The following COL4A6 variants were observed in gnomAD, a reference collection of about 807,000 sequenced individuals.
The protein encoded by COL4A6 is collagen alpha-6(IV) chain.
In COL4A6, 59 loss-of-function variants were observed where a neutral mutation model predicts 126.7. That is an observed-to-expected ratio of 0.47 (90% CI 0.38 to 0.58). The LOEUF is 0.58. Ranked by LOEUF, COL4A6 falls within the 20% of genes least tolerant of loss-of-function variation. COL4A6 has a pLI of 0.00. For missense variants in COL4A6, 1,285 were observed against 1,337.3 expected (o/e 0.96, Z 0.61); for synonymous variants, 547 against 496.6 (o/e 1.10, Z -1.35).
At chrX:108,378,559 T>G (rs2040492804) in intron 2 of COL4A6, among the ~76,000 whole-genome samples, 1 of 112,579 alleles carries the variant, frequency 8.9e-6, no homozygotes, top group East Asian at 2.8e-4. Context: ...ACATAGATTA[T>G]ATTCGCCAGC....
At chrX:108,238,034 ATATCTATC>A (rs59088315) in intron 3 of COL4A6, among the ~76,000 whole-genome samples, 23,936 of 86,292 alleles carry the variant, frequency 0.28, 2,992 homozygotes, top group East Asian at 0.43. Context: ...TCACCTCTCT[ATATCTATC>A]TATCTATCTA....
chrX:108,301,212 T>C (rs925336102), intron 3 of COL4A6, among the ~76,000 whole-genome samples: 11 of 112,338 alleles, frequency 9.8e-5, no homozygotes, highest in Non-Finnish European at 5.6e-5. Flanking sequence ...TGAACTTTCA[T>C]ACAGTCAGTG....
chrX:108,170,750 G>T, intron 34 of COL4A6, 34 bp from the exon 35 acceptor site: 1 of 1,200,129 alleles, frequency 8.3e-7, no homozygotes, highest in South Asian at 1.8e-5. Context: ...GTTCAGAATG[G>T]GGCATGGCTT....
At chrX:108,172,809 C>A (rs770663634) in intron 31 of COL4A6, among the ~76,000 whole-genome samples, 1 of 112,025 alleles carries the variant, frequency 8.9e-6, no homozygotes, top group Admixed American at 9.4e-5. Flanking sequence ...GCCATTCTAG[C>A]GAGTCTCTCA....
At chrX:108,311,272 C>T (rs1470574159) in intron 2 of COL4A6, among the ~76,000 whole-genome samples, 1 of 111,971 alleles carries the variant, frequency 8.9e-6, no homozygotes, top group Non-Finnish European at 1.9e-5. Flanking sequence ...TTGTACTCTG[C>T]TCTCGGAATT....
chrX:108,381,502 A>G (rs1430147596), intron 2 of COL4A6, among the ~76,000 whole-genome samples: 1 of 112,181 alleles, frequency 8.9e-6, no homozygotes, highest in East Asian at 2.8e-4. Context: ...TAATTATATC[A>G]ATACTTTCAG....
In COL4A6 at chrX:108,219,755, G is replaced by T; in HGVS notation, c.280-13C>A. 5 of 1,194,293 alleles carry T rather than the reference G, an allele frequency of 4.2e-6. No individual in the cohort carries two copies. The highest frequency in any genetic ancestry group is 5.7e-6 in the Non-Finnish European group (5 of 880,053). ...CTCCCATGGGACCCTAAAAAAAGGAGTAGGGAGAGGAATGTAAGACACAAT... is the reference window on the plus strand; with the variant it reads ...CTCCCATGGGACCCTAAAAAAAGGATTAGGGAGAGGAATGTAAGACACAAT... On this transcript the variant is annotated splice_polypyrimidine_tract_variant and intron_variant, in intron 4 of 44. Transcript: ENST00000334504.
In COL4A6 at chrX:108,174,407, C is replaced by T. The variant is rs1287715244; in HGVS notation, c.3138+33G>A. On this transcript the variant is annotated intron_variant, in intron 31 of 44. Coordinates refer to ENST00000334504, the MANE Select transcript of COL4A6 (RefSeq NM_033641.4). The stretch of plus-strand genomic sequence containing the variant: ...ATCCCCGTGAGATGGGGGGCCTTTT[C>T]TGGTATAAAGACAAAGATCTGGTCA... 2.5e-6 allele frequency: 3 copies of T among 1,197,465 alleles called. No homozygotes were observed. In the African/African-American group the frequency reaches 5.3e-5, roughly 21 times the overall value.
intron 2 of COL4A6, among the ~76,000 whole-genome samples, chrX:108,353,064 T>A: frequency 8.9e-6 from 1 of 112,238 alleles, no homozygotes; most frequent in East Asian, 2.8e-4. Context: ...CCAGCGTGGC[T>A]GAGCTATACA....
At position 108,284,896 on chromosome X, in the gene COL4A6, A is replaced by G. The variant is rs184822051; in HGVS notation, c.144+25852T>C. Among the ~76,000 whole-genome samples, 14 of 112,098 alleles carry G rather than the reference A, an allele frequency of 1.2e-4. No individual in the cohort carries two copies. The East Asian group carries it at 3.9e-3, about 31-fold the overall frequency. The stretch of plus-strand genomic sequence containing the variant: ...TACTTCTTACTTTCACCTGGAAAAT[A>G]ACTTAGCCTCTCAGTGTCCATTTCC... On this transcript the variant is annotated intron_variant, in intron 3 of 44. Transcript: ENST00000334504.
chrX:108,196,311 G>C (rs2035212597), intron 14 of COL4A6, among the ~76,000 whole-genome samples, 200 bp downstream of exon 14: 1 of 111,285 alleles, frequency 9.0e-6, no homozygotes, highest in Admixed American at 9.5e-5. Flanking sequence ...AGTAGGGGGT[G>C]CCTCATTCCT....
chrX:108,393,621 G>A (rs975493708), intron 2 of COL4A6, among the ~76,000 whole-genome samples: 4 of 112,402 alleles, frequency 3.6e-5, no homozygotes, highest in South Asian at 7.3e-4. Flanking sequence ...CTTTAAATAA[G>A]TGAATTCAGT....
chrX:108,172,443 T>TA, intron 32 of COL4A6, 26 bp downstream of exon 32: 1 of 1,142,539 alleles, frequency 8.8e-7, no homozygotes, highest in South Asian at 2.0e-5. Context: ...AAGAAAACAT[T>TA]AAAAGAAAAA....
intron 2 of COL4A6, among the ~76,000 whole-genome samples, chrX:108,332,808 T>C (rs1181812952): frequency 4.5e-5 from 5 of 111,773 alleles, no homozygotes; most frequent in Non-Finnish European, 9.4e-5. Flanking sequence ...CTGTCAATTA[T>C]TTCTTTTGCT....
chrX:108,439,277 C>T, upstream of COL4A6: 1 of 409,692 alleles, frequency 2.4e-6, no homozygotes. Context: ...AGAATAATTA[C>T]CAATACCTGC....
At chrX:108,437,336 AT>A (rs199725909) in intron 2 of COL4A6, among the ~76,000 whole-genome samples, 19 of 110,762 alleles carry the variant, frequency 1.7e-4, no homozygotes, top group African/African-American at 4.3e-4. Flanking sequence ...GTTAACTTTG[AT>A]TTTTTTTTCT....
chrX:108,185,234 A>G (rs139775020), intron 23 of COL4A6, among the ~76,000 whole-genome samples: 2 of 110,227 alleles, frequency 1.8e-5, no homozygotes, highest in Admixed American at 9.7e-5. Context: ...TCTACTAAAA[A>G]TTCGAAAATT....
chrX:108,286,959 G>T, intron 3 of COL4A6, among the ~76,000 whole-genome samples: 1 of 111,434 alleles, frequency 9.0e-6, no homozygotes, highest in Non-Finnish European at 1.9e-5. Context: ...GATGGCTCAA[G>T]CTAGAGCAGC....
At chrX:108,267,773 CTT>C (rs2037349297) in intron 3 of COL4A6, 1 of 112,590 alleles carries the variant, frequency 8.9e-6, no homozygotes, top group African/African-American at 3.2e-5. Context: ...TTCACAGACT[CTT>C]TTTCACGTAA....
Sources: allele counts gnomAD v4.1 joint callset (sites outside exome capture counted in the v4.1 genomes callset), GRCh38; gene constraint gnomAD v4.1.1; transcripts MANE v1.5; gene names NCBI Gene and HGNC (gene_info 2026-07-23, HGNC 2026-07-21).